ADPGK: variants seen among roughly 807,000 people sequenced by gnomAD.
ADPGK encodes the protein ADP dependent glucokinase, also known as ADP-dependent glucokinase.
Under a neutral mutation model 42.4 loss-of-function variants are expected in ADPGK, and 26 were observed. The ratio of observed to expected loss-of-function variants is 0.61; its 90% CI spans 0.45 to 0.85. The LOEUF is 0.85. ADPGK is among the 40% of genes least tolerant of loss of function. The pLI is 0.00. For synonymous variants in ADPGK, 267 were observed against 252.6 expected, an observed-to-expected ratio of 1.06 and a Z score of -0.54; for missense variants, 571 against 627.0, an observed-to-expected ratio of 0.91 and a Z score of 0.95.
chr15:72,755,054 T>TA (rs1401527649), intron 6 of ADPGK, among the ~76,000 whole-genome samples: 1 of 152,186 alleles, frequency 6.6e-6, no homozygotes, highest in Non-Finnish European at 1.5e-5. Flanking sequence ...TGAGGTAACT[T>TA]GCCTGAGTTC....
chr15:72,764,798 T>C (rs2066237724), intron 3 of ADPGK, among the ~76,000 whole-genome samples: 1 of 152,090 alleles, frequency 6.6e-6, no homozygotes, highest in Non-Finnish European at 1.5e-5. Flanking sequence ...ACAAACTGAC[T>C]CTCTTTTTGG....
Position 72,783,748 on chromosome 15 carries a change from C to A in ADPGK, c.-57G>T. On this transcript the variant is annotated 5_prime_UTR_variant, in exon 1 of 7. Coordinates refer to ENST00000456471, the MANE Select transcript of ADPGK (RefSeq NM_001365225.1). ...ACTCCTTTCCTAGCCCGCGCCTCTT[C>A]CGGGCTCGGCGCGCGCCGATGTCGA... 2 of 1,390,616 alleles carry A rather than the reference C, an allele frequency of 1.4e-6. No homozygotes were observed. The highest frequency in any genetic ancestry group is 1.9e-6 in the Non-Finnish European group (2 of 1,072,720). 86.1% of individuals were successfully genotyped at this position (1,390,616 alleles called of 1,614,324 possible).
chr15:72,779,373 T>C (rs1273082122), intron 1 of ADPGK, among the ~76,000 whole-genome samples: 1 of 149,722 alleles, frequency 6.7e-6, no homozygotes. Flanking sequence ...CTCAGCCTCC[T>C]GAGAAGCTGG....
chr15:72,752,839 G>A lies in ADPGK; in HGVS notation c.996C>T (p.Leu332=), dbSNP rs776824750. ...LGLNEQELLF[L]TQSASGPHSS... is the part of the protein sequence containing the mutation. The stretch of plus-strand genomic sequence containing the variant: ...AGTGAGGTCCAGAGGCTGACTGGGT[G>A]AGAAATAACAGCTCCTGTTCATTCA... The change falls in exon 7 of 7, where the codon CTC becomes CTT. Residue 332 remains leucine, a synonymous_variant. Transcript: ENST00000456471. The A allele has an allele frequency of 2.5e-6, 4 of 1,614,080 alleles. No individual in the cohort carries two copies. Among genetic ancestry groups the A allele is most frequent in the African/African-American group, 2.7e-5 (2 of 74,936 alleles).
chr15:72,752,663 G>A lies in ADPGK; in HGVS notation c.1172C>T (p.Thr391Ile). ...FHTLVYHILA[T>I]VDGHWANQLA... The stretch of plus-strand genomic sequence containing the variant: ...CTGGTTGGCCCAGTGTCCATCCACA[G>A]TTGCCAGGATGTGGTAGACCAGCGT... The change falls in exon 7 of 7, where the codon ACT becomes ATT. Residue 391 changes from threonine to isoleucine, a missense_variant. Transcript: ENST00000456471. 1 of 1,614,224 alleles carries A rather than the reference G, an allele frequency of 6.2e-7. No individual in the cohort carries two copies. Among genetic ancestry groups the A allele is most frequent in the Non-Finnish European group, 8.5e-7 (1 of 1,180,048 alleles).
chr15:72,756,434 G>A lies in ADPGK; in HGVS notation c.657C>T (p.Gly219=). Residue 219 remains glycine (G), a synonymous_variant, in exon 5 of 7, where the codon GGC becomes GGT. Transcript: ENST00000456471. ...GGTTGGCATGGGGAGCTTTTAACTGGCCCCACTCCTCCCCTGGAAAAACCC... is the reference window on the plus strand; with the variant it reads ...GGTTGGCATGGGGAGCTTTTAACTGACCCCACTCCTCCCCTGGAAAAACCC... ...ILEYQAGEEW[G]QLKAPHANRF... 1 of 1,614,116 alleles carries A rather than the reference G, an allele frequency of 6.2e-7. No homozygotes were observed. Among genetic ancestry groups the A allele is most frequent in the South Asian group, 1.1e-5 (1 of 91,078 alleles).
chr15:72,774,937 A>C lies in ADPGK; in HGVS notation c.394T>G (p.Phe132Val). 1 of 1,614,190 alleles carries C rather than the reference A, an allele frequency of 6.2e-7. No homozygotes were observed. The highest frequency in any genetic ancestry group is 1.1e-5 in the South Asian group (1 of 91,080). Residue 132 changes from phenylalanine to valine, a missense_variant, in exon 2 of 7, where the codon TTC becomes GTC. Physicochemically the swap from Phe to Val is conservative, Grantham distance 50. Around this residue, in one of 2 missense-constraint regions of ADPGK, gnomAD observed 434 missense variants for 522.7 expected, o/e 0.83. Coordinates refer to ENST00000456471, the MANE Select transcript of ADPGK (RefSeq NM_001365225.1). The stretch of plus-strand genomic sequence containing the variant: ...TGAAAAGTTTCCTTATCACTGAAGA[A>C]GCGCTCAGCAGCTGCTCCCTTCCCC... Reference protein sequence around the residue: ...FMGKGAAAERFFSDKETFHDI... With the variant: ...FMGKGAAAERVFSDKETFHDI...
In ADPGK at chr15:72,752,524, A is replaced by G; in HGVS notation, c.1311T>C (p.His437=). The G allele has an allele frequency of 6.2e-7, 1 of 1,614,154 alleles. No individual in the cohort carries two copies. Among genetic ancestry groups the G allele is most frequent in the Non-Finnish European group, 8.5e-7 (1 of 1,180,032 alleles). Residue 437 remains histidine, a synonymous_variant, in exon 7 of 7, where the codon CAT becomes CAC. Transcript: ENST00000456471. ...LRAPQEFMTS[H]SEAGSRIVLN... The stretch of plus-strand genomic sequence containing the variant: ...ATACAATCCTGGAGCCTGCCTCCGA[A>G]TGGGAAGTCATGAACTCTTGGGGTG...
At chr15:72,755,768 T>G in intron 5 of ADPGK, 114 bp from the exon 6 acceptor site, 1 of 784,276 alleles carries the variant, frequency 1.3e-6, no homozygotes, top group Non-Finnish European at 2.1e-6. Flanking sequence ...CTTCTTTGCA[T>G]GCTCACGGGA....
intron 3 of ADPGK, among the ~76,000 whole-genome samples, chr15:72,762,779 C>T (rs1394610992): frequency 2.0e-5 from 3 of 152,012 alleles, no homozygotes; most frequent in African/African-American, 7.2e-5. Context: ...GTCAGGAGTT[C>T]GAGACCAGCC....
chr15:72,775,117 T>G lies in ADPGK; in HGVS notation c.234-20A>C. The G allele has an allele frequency of 6.2e-7, 1 of 1,604,686 alleles. No individual in the cohort carries two copies. Among genetic ancestry groups the G allele is most frequent in the Non-Finnish European group, 8.5e-7 (1 of 1,171,996 alleles). On this transcript the variant is annotated intron_variant, in intron 1 of 6. Transcript: ENST00000456471. ...TTGACTCTAGAAGGAGGAAAAAAACTGTGTGAAAGCAGCAGAAGCACCAAG... is the reference window on the plus strand; with the variant it reads ...TTGACTCTAGAAGGAGGAAAAAAACGGTGTGAAAGCAGCAGAAGCACCAAG...
At chr15:72,756,025 G>A (rs752445334) in intron 5 of ADPGK, 2 of 692,032 alleles carry the variant, frequency 2.9e-6, no homozygotes, top group East Asian at 5.6e-5. Context: ...GGATGCAGAG[G>A]CTCAGGCAAG....
intron 4 of ADPGK, chr15:72,758,404 G>A: frequency 1.9e-6 from 1 of 526,154 alleles, no homozygotes. Context: ...GGGCTTCTCT[G>A]GGGAGATCTG....
chr15:72,754,974 T>C (rs1043319199), intron 6 of ADPGK, among the ~76,000 whole-genome samples: 2 of 152,194 alleles, frequency 1.3e-5, no homozygotes, highest in African/African-American at 4.8e-5. Context: ...TATCTTTTCA[T>C]AGTTTTTGGG....
Position 72,783,756 on chromosome 15 carries a change from G to A in ADPGK, c.-65C>T. 1.4e-6 allele frequency: 2 copies of A among 1,385,146 alleles called. No individual in the cohort carries two copies. The highest frequency in any genetic ancestry group is 1.9e-6 in the Non-Finnish European group (2 of 1,069,348). The allele number at this position is 1,385,146 out of a possible 1,614,324, so 85.8% of individuals were successfully genotyped here. On this transcript the variant is annotated 5_prime_UTR_variant, in exon 1 of 7. Transcript: ENST00000456471. ...CCTAGCCCGCGCCTCTTCCGGGCTC[G>A]GCGCGCGCCGATGTCGACACAAGCG... is the stretch of plus-strand genomic sequence containing the variant.
intron 6 of ADPGK, among the ~76,000 whole-genome samples, 191 bp downstream of exon 6, chr15:72,755,365 G>A (rs1186402059): frequency 6.6e-6 from 1 of 152,202 alleles, no homozygotes; most frequent in African/African-American, 2.4e-5. Context: ...CTTTAACCTA[G>A]TAGGAGATAC....
intron 1 of ADPGK, among the ~76,000 whole-genome samples, chr15:72,778,415 T>C (rs2066416120): frequency 6.6e-6 from 1 of 152,122 alleles, no homozygotes. Context: ...AGGGGCTGTA[T>C]TGTCAAGGGG....
At chr15:72,754,236 GGGCCA>G (rs2066084328) in intron 6 of ADPGK, among the ~76,000 whole-genome samples, 1 of 152,098 alleles carries the variant, frequency 6.6e-6, no homozygotes, top group Non-Finnish European at 1.5e-5. Flanking sequence ...AGATTCCACA[GGGCCA>G]ACTGCAGGAC....
intron 1 of ADPGK, among the ~76,000 whole-genome samples, chr15:72,778,666 C>G (rs12594844): frequency 0.12 from 18,823 of 152,196 alleles, 1,878 homozygotes; most frequent in East Asian, 0.51. Flanking sequence ...AAGGCAAAGA[C>G]GATGTTTCCT....
Sources: gnomAD v4.1 joint callset for allele counts (sites outside exome capture counted in the v4.1 genomes callset) on GRCh38, gnomAD v4.1.1 for gene constraint, gnomAD v4.1.1 regional missense constraint, MANE v1.5 for transcripts, NCBI Gene and HGNC (gene_info 2026-07-23, HGNC 2026-07-21) for gene names.